Variants in PTPRD observed in about 807,000 individuals in gnomAD.
The protein encoded by PTPRD is receptor-type tyrosine-protein phosphatase delta.
A neutral mutation model predicts 214.5 loss-of-function variants in PTPRD; 34 were observed. The observed-to-expected ratio is 0.16, with a 90% CI of 0.12 to 0.21. The LOEUF (loss-of-function observed/expected upper bound fraction) is 0.21. Among genes scored for constraint, PTPRD ranks in the 10% least tolerant of loss-of-function variants. The pLI is 1.00. For synonymous variants in PTPRD, 1,128 were observed against 845.7 expected (o/e 1.33, Z -5.79); for missense variants, 2,545 against 2,398.7 (o/e 1.06, Z -1.27).
At chr9:8,775,377 G>C (rs1021056557) in intron 11 of PTPRD, among the ~76,000 whole-genome samples, 5 of 152,058 alleles carry the variant, frequency 3.3e-5, no homozygotes, top group Non-Finnish European at 5.9e-5. Flanking sequence ...TAGTCTTCTT[G>C]CTGTGGACTA....
chr9:9,278,387 T>C (rs1946425699), intron 9 of PTPRD, among the ~76,000 whole-genome samples: 1 of 151,388 alleles, frequency 6.6e-6, no homozygotes, highest in Non-Finnish European at 1.5e-5. Flanking sequence ...CACAGCCTTA[T>C]AAAATTTTAA....
At chr9:8,965,245 TG>T (rs1206027971) in intron 11 of PTPRD, among the ~76,000 whole-genome samples, 1 of 151,980 alleles carries the variant, frequency 6.6e-6, no homozygotes, top group African/African-American at 2.4e-5. Context: ...TAGCCAGTTG[TG>T]GTGGCACATG....
intron 3 of PTPRD, among the ~76,000 whole-genome samples, chr9:10,119,514 A>T (rs2098758013): frequency 1.3e-5 from 2 of 151,970 alleles, no homozygotes. Context: ...CGAATGTGTA[A>T]AAGGATAATT....
At chr9:10,416,862 A>G (rs77418789) in intron 2 of PTPRD, among the ~76,000 whole-genome samples, 7,323 of 151,892 alleles carry the variant, frequency 0.048, 178 homozygotes, top group South Asian at 0.091. Context: ...TGGGCATAGC[A>G]AGGAGAGAGT....
At chr9:10,531,802 T>C (rs1323714711) in intron 2 of PTPRD, among the ~76,000 whole-genome samples, 2 of 152,170 alleles carry the variant, frequency 1.3e-5, no homozygotes, top group Non-Finnish European at 2.9e-5. Context: ...GCTGCAATAA[T>C]TTTCTGATGT....
intron 9 of PTPRD, among the ~76,000 whole-genome samples, chr9:9,363,768 C>T (rs1009267286): frequency 5.3e-5 from 8 of 151,254 alleles, no homozygotes; most frequent in Non-Finnish European, 1.2e-4. Context: ...CAAGCAAAAA[C>T]TTAGAAACCA....
chr9:8,441,792 A>C (rs1039027482), intron 34 of PTPRD, among the ~76,000 whole-genome samples: 1 of 152,178 alleles, frequency 6.6e-6, no homozygotes, highest in Non-Finnish European at 1.5e-5. Context: ...CAGAGGAGTT[A>C]AAGAACTCGA....
At chr9:8,852,835 G>A (rs950122753) in intron 11 of PTPRD, among the ~76,000 whole-genome samples, 3 of 152,010 alleles carry the variant, frequency 2.0e-5, no homozygotes, top group Non-Finnish European at 4.4e-5. Flanking sequence ...GTATTAATAT[G>A]GTCCTGTTAA....
At chr9:10,441,178 A>C (rs1210316140) in intron 2 of PTPRD, among the ~76,000 whole-genome samples, 1 of 151,704 alleles carries the variant, frequency 6.6e-6, no homozygotes, top group Non-Finnish European at 1.5e-5. Flanking sequence ...AGACTGATGC[A>C]TTTAAAATGA....
chr9:9,686,719 C>T (rs1030219540), intron 7 of PTPRD, among the ~76,000 whole-genome samples: 1 of 151,596 alleles, frequency 6.6e-6, no homozygotes, highest in Non-Finnish European at 1.5e-5. Flanking sequence ...AAGTTATATG[C>T]ATATAACATA....
intron 14 of PTPRD, among the ~76,000 whole-genome samples, chr9:8,557,745 T>TAAAAA (rs752836520): frequency 2.1e-5 from 1 of 46,778 alleles, no homozygotes; most frequent in Non-Finnish European, 3.7e-5. Context: ...TGTCTCTCAA[T>TAAAAA]AAAAAAAAAA....
chr9:8,814,210 C>T (rs1406427927), intron 11 of PTPRD, among the ~76,000 whole-genome samples: 1 of 152,110 alleles, frequency 6.6e-6, no homozygotes, highest in Non-Finnish European at 1.5e-5. Context: ...AAAGTTAATG[C>T]CCTCCCTATA....
chr9:8,999,068 T>C (rs1207496102), intron 11 of PTPRD, among the ~76,000 whole-genome samples: 3 of 152,062 alleles, frequency 2.0e-5, no homozygotes, highest in African/African-American at 4.8e-5. Flanking sequence ...AATCTACTCC[T>C]GGGAAAGATG....
At chr9:8,936,640 A>C (rs188865565) in intron 11 of PTPRD, among the ~76,000 whole-genome samples, 2 of 152,228 alleles carry the variant, frequency 1.3e-5, no homozygotes, top group African/African-American at 4.8e-5. Flanking sequence ...AACAATCACT[A>C]CATAGGAATG....
intron 8 of PTPRD, among the ~76,000 whole-genome samples, chr9:9,398,259 T>C (rs1178675530): frequency 6.6e-6 from 1 of 152,020 alleles, no homozygotes; most frequent in Non-Finnish European, 1.5e-5. Context: ...GAAATTATTC[T>C]CTTTCTAGAT....
At position 8,476,110 on chromosome 9, in the gene PTPRD, GT is replaced by G. The variant is rs568736205; in HGVS notation, c.3414-5026del. On this transcript the variant is annotated intron_variant, in intron 30 of 45. Transcript: ENST00000381196. ...AGTTTCTTGCATTTACCCTAGTCCA[GT>G]GGTTCCGAGCCTTTTTGGCACCAAG... 1.6e-3 allele frequency among the ~76,000 whole-genome samples: 242 copies of G among 152,280 alleles called. 2 individuals carry two copies. The highest frequency in any genetic ancestry group is 6.8e-3 in the Middle Eastern group (2 of 294).
intron 8 of PTPRD, among the ~76,000 whole-genome samples, chr9:9,412,494 T>G (rs937645675): frequency 1.3e-5 from 2 of 152,062 alleles, no homozygotes; most frequent in Admixed American, 1.3e-4. Flanking sequence ...ATAATCTCAG[T>G]CTGTTCTCTT....
Position 10,159,167 on chromosome 9 carries a change from C to G in PTPRD, c.-544-125377G>C, listed in dbSNP as rs561665565. Among the ~76,000 whole-genome samples the G allele has an allele frequency of 2.7e-5, 4 of 147,744 alleles. No individual in the cohort carries two copies. In the South Asian group the frequency reaches 8.7e-4, roughly 32 times the overall value. ...AGGTACCATCTACTCTCAAAAAAGG[C>G]AAAAATGTGGGGAGAAAAAGGAAAA... On this transcript the variant is annotated intron_variant, in intron 3 of 45. Transcript: ENST00000381196.
At position 9,526,040 on chromosome 9, in the gene PTPRD, C is replaced by T. The variant is rs117929515; in HGVS notation, c.-237+48692G>A. On this transcript the variant is annotated intron_variant, in intron 8 of 45. Transcript: ENST00000381196. ...TTCACTTTTCCTCTTCAGGTAGATACGCATACCAAAGGATGAAGTTTAGAT... is the reference window on the plus strand; with the variant it reads ...TTCACTTTTCCTCTTCAGGTAGATATGCATACCAAAGGATGAAGTTTAGAT... 2.2e-3 allele frequency among the ~76,000 whole-genome samples: 331 copies of T among 152,026 alleles called. 6 individuals carry two copies. The East Asian group carries it at 0.047, about 21-fold the overall frequency.
Sources: gnomAD v4.1 joint callset for allele counts (sites outside exome capture counted in the v4.1 genomes callset) on GRCh38, gnomAD v4.1.1 for gene constraint, MANE v1.5 for transcripts, NCBI Gene and HGNC (gene_info 2026-07-23, HGNC 2026-07-21) for gene names.